GRM8: variants seen among roughly 807,000 people sequenced by gnomAD.
The protein encoded by GRM8 is glutamate metabotropic receptor 8, also known as metabotropic glutamate receptor 8.
In GRM8, 47 loss-of-function variants were observed where a neutral mutation model predicts 87.2. The observed-to-expected ratio is 0.54, with a 90% CI of 0.43 to 0.69. GRM8 has a LOEUF of 0.69. GRM8 is among the 30% of genes least tolerant of loss of function. The pLI is 0.00. For synonymous variants in GRM8, 396 were observed against 404.5 expected, an observed-to-expected ratio of 0.98 and a Z score of 0.25; for missense variants, 1,019 against 1,139.2, an observed-to-expected ratio of 0.89 and a Z score of 1.52.
At chr7:126,983,519 T>G (rs138725885) in intron 3 of GRM8, among the ~76,000 whole-genome samples, 1 of 149,102 alleles carries the variant, frequency 6.7e-6, no homozygotes, top group East Asian at 2.0e-4. Flanking sequence ...AGTGACCCAC[T>G]AGCAAAATTT....
At chr7:126,497,577 T>C (rs946941566) in intron 9 of GRM8, among the ~76,000 whole-genome samples, 3 of 152,012 alleles carry the variant, frequency 2.0e-5, no homozygotes, top group Non-Finnish European at 2.9e-5. Flanking sequence ...ACATTCTCCT[T>C]GGCCTGTTGA....
intron 3 of GRM8, among the ~76,000 whole-genome samples, chr7:127,055,483 G>C (rs1413886021): frequency 6.6e-6 from 1 of 152,160 alleles, no homozygotes; most frequent in Non-Finnish European, 1.5e-5. Flanking sequence ...AGGGAATTAA[G>C]TCACTAGTGG....
At chr7:126,977,527 C>G (rs1202106664) in intron 3 of GRM8, among the ~76,000 whole-genome samples, 2 of 152,120 alleles carry the variant, frequency 1.3e-5, no homozygotes, top group Non-Finnish European at 2.9e-5. Flanking sequence ...TGATATAATT[C>G]CTAAGATTAC....
chr7:126,675,922 T>A (rs1397028636), intron 7 of GRM8, among the ~76,000 whole-genome samples: 1 of 152,112 alleles, frequency 6.6e-6, no homozygotes, highest in Non-Finnish European at 1.5e-5. Flanking sequence ...AGAAAGGTCA[T>A]CCAAATAGGA....
At chr7:126,507,138 A>G (rs896821077) in intron 9 of GRM8, among the ~76,000 whole-genome samples, 8 of 152,074 alleles carry the variant, frequency 5.3e-5, no homozygotes, top group African/African-American at 1.4e-4. Flanking sequence ...GAGGCTCTCA[A>G]TGAAGCCTTC....
intron 7 of GRM8, among the ~76,000 whole-genome samples, chr7:126,751,642 G>A (rs554161614): frequency 1.3e-5 from 2 of 152,268 alleles, no homozygotes; most frequent in Admixed American, 6.5e-5. Flanking sequence ...GCAAAGGAAG[G>A]CACCATTGCA....
At chr7:126,857,281 C>T (rs753558979) in intron 6 of GRM8, among the ~76,000 whole-genome samples, 3 of 152,146 alleles carry the variant, frequency 2.0e-5, no homozygotes, top group African/African-American at 4.8e-5. Flanking sequence ...GGTGTTATTG[C>T]CTGTGATTCT....
intron 3 of GRM8, chr7:127,075,920 C>T (rs1050631721): frequency 3.3e-6 from 1 of 305,876 alleles, no homozygotes; most frequent in African/African-American, 2.2e-5. Context: ...TCTTATTCAC[C>T]TTTATACCAC....
At chr7:126,907,224 G>C (rs1340427790) in intron 3 of GRM8, among the ~76,000 whole-genome samples, 1 of 148,936 alleles carries the variant, frequency 6.7e-6, no homozygotes, top group Non-Finnish European at 1.5e-5. Context: ...AGAGATGGAG[G>C]AGGAGGAGGA....
chr7:126,453,004 G>A (rs912215722), intron 9 of GRM8, among the ~76,000 whole-genome samples: 7 of 150,734 alleles, frequency 4.6e-5, no homozygotes, highest in East Asian at 2.0e-4. Flanking sequence ...CATTCTCCAC[G>A]TCAGAAACGC....
At chr7:126,871,336 C>T (rs912124203) in intron 6 of GRM8, among the ~76,000 whole-genome samples, 12 of 152,152 alleles carry the variant, frequency 7.9e-5, no homozygotes, top group Non-Finnish European at 1.5e-4. Context: ...AAATAGTTAA[C>T]AATGTTAAGT....
intron 3 of GRM8, among the ~76,000 whole-genome samples, chr7:126,933,602 G>A (rs1480791394): frequency 6.6e-6 from 1 of 152,220 alleles, no homozygotes; most frequent in Non-Finnish European, 1.5e-5. Flanking sequence ...AATGTAGGAG[G>A]ACAGTGGGGA....
At chr7:126,780,012 A>G (rs888479540) in intron 6 of GRM8, among the ~76,000 whole-genome samples, 1 of 152,230 alleles carries the variant, frequency 6.6e-6, no homozygotes, top group Admixed American at 6.5e-5. Flanking sequence ...TGTAGTAAAT[A>G]AATGAACATC....
intron 7 of GRM8, among the ~76,000 whole-genome samples, chr7:126,655,895 C>A (rs916131984): frequency 1.3e-5 from 2 of 152,154 alleles, no homozygotes; most frequent in African/African-American, 4.8e-5. Context: ...TTCCAGGGTA[C>A]CTATATTTAT....
chr7:126,871,276 CTTA>C (rs1322391151), intron 6 of GRM8, among the ~76,000 whole-genome samples: 4 of 152,126 alleles, frequency 2.6e-5, no homozygotes, highest in African/African-American at 7.2e-5. Flanking sequence ...AAGATATTTT[CTTA>C]TTATACTCAT....
At chr7:126,725,927 C>T (rs1812919226) in intron 7 of GRM8, among the ~76,000 whole-genome samples, 1 of 152,148 alleles carries the variant, frequency 6.6e-6, no homozygotes, top group Non-Finnish European at 1.5e-5. Flanking sequence ...AGGGGATGGC[C>T]TAAGCCATTC....
chr7:126,547,106 AT>A (rs1171007684), intron 8 of GRM8, among the ~76,000 whole-genome samples: 2 of 152,200 alleles, frequency 1.3e-5, no homozygotes, highest in Non-Finnish European at 2.9e-5. Flanking sequence ...AACATAAAAG[AT>A]CAAAATGTTA....
At chr7:126,566,712 A>G (rs1794249261) in intron 8 of GRM8, among the ~76,000 whole-genome samples, 1 of 152,206 alleles carries the variant, frequency 6.6e-6, no homozygotes, top group South Asian at 2.1e-4. Context: ...CAGGGTCTCA[A>G]AGAGATATTA....
intron 9 of GRM8, among the ~76,000 whole-genome samples, chr7:126,489,627 C>T (rs781049192): frequency 6.6e-6 from 1 of 152,032 alleles, no homozygotes; most frequent in African/African-American, 2.4e-5. Flanking sequence ...AATCTTTAGA[C>T]TTTTCTTTTT....
Sources: allele counts gnomAD v4.1 joint callset (sites outside exome capture counted in the v4.1 genomes callset), GRCh38; gene constraint gnomAD v4.1.1; transcripts MANE v1.5; gene names NCBI Gene and HGNC (gene_info 2026-07-23, HGNC 2026-07-21).